Variants in FANCL observed in about 807,000 individuals in gnomAD.
The protein encoded by FANCL is FA complementation group L.
A neutral mutation model predicts 59.4 loss-of-function variants in FANCL; 69 were observed. That is an observed-to-expected ratio of 1.16 (90% CI 0.96 to 1.42). The LOEUF is 1.42. Ranked by LOEUF, FANCL falls within the 40% of genes most tolerant of loss-of-function variation. The pLI is 0.00. For missense variants in FANCL, 519 were observed against 447.2 expected, an observed-to-expected ratio of 1.16 and a Z score of -1.45; for synonymous variants, 180 against 147.1, an observed-to-expected ratio of 1.22 and a Z score of -1.62.
At chr2:58,238,625 A>G (rs148744282) in intron 1 of FANCL, among the ~76,000 whole-genome samples, 68 of 152,346 alleles carry the variant, frequency 4.5e-4, no homozygotes, top group Non-Finnish European at 8.4e-4. Flanking sequence ...ACAACACCTA[A>G]AACTGATTAC....
chr2:58,208,885 G>C (rs577770754), intron 5 of FANCL, among the ~76,000 whole-genome samples: 2 of 152,178 alleles, frequency 1.3e-5, no homozygotes, highest in East Asian at 3.9e-4. Context: ...CCTGCATATA[G>C]AGAATCATTA....
chr2:58,221,600 C>T (rs1336272714), intron 5 of FANCL, among the ~76,000 whole-genome samples: 1 of 152,092 alleles, frequency 6.6e-6, no homozygotes. Context: ...TCCAGAAATA[C>T]TGCAATTTTT....
intron 7 of FANCL, among the ~76,000 whole-genome samples, chr2:58,195,917 C>T (rs1176389496): frequency 6.6e-6 from 1 of 152,042 alleles, no homozygotes; most frequent in African/African-American, 2.4e-5. Flanking sequence ...TAGGAAAAAC[C>T]CATACTAAAA....
intron 7 of FANCL, among the ~76,000 whole-genome samples, chr2:58,192,420 A>G (rs1558775959): frequency 6.6e-6 from 1 of 151,972 alleles, no homozygotes; most frequent in Non-Finnish European, 1.5e-5. Context: ...TGAATGAGTT[A>G]TAACAACTTA....
chr2:58,222,316 T>A (rs1692557558), intron 4 of FANCL, among the ~76,000 whole-genome samples: 1 of 150,986 alleles, frequency 6.6e-6, no homozygotes, highest in African/African-American at 2.4e-5. Context: ...CTATCGGAGA[T>A]AAAAAAAAAA....
intron 2 of FANCL, among the ~76,000 whole-genome samples, chr2:58,230,193 T>A (rs1408532429): frequency 6.6e-6 from 1 of 152,246 alleles, no homozygotes; most frequent in East Asian, 1.9e-4. Context: ...ACCAACAGTT[T>A]TGATAACAAT....
chr2:58,188,359 G>C (rs79696245), intron 7 of FANCL, among the ~76,000 whole-genome samples: 2,191 of 152,016 alleles, frequency 0.014, 69 homozygotes, highest in African/African-American at 0.051. Context: ...TTCTTTTTCA[G>C]AGTTATTTTA....
chr2:58,205,371 T>C (rs2105158292), intron 5 of FANCL, among the ~76,000 whole-genome samples: 2 of 148,234 alleles, frequency 1.3e-5, no homozygotes, highest in East Asian at 4.0e-4. Flanking sequence ...AAAACTATTC[T>C]AGAAAGTGTT....
chr2:58,237,594 T>C (rs1694138471), intron 1 of FANCL, among the ~76,000 whole-genome samples: 1 of 151,458 alleles, frequency 6.6e-6, no homozygotes, highest in Non-Finnish European at 1.5e-5. Flanking sequence ...ATAAAAATAA[T>C]AGAAAAAAAT....
At chr2:58,214,491 A>G (rs1036619083) in intron 5 of FANCL, among the ~76,000 whole-genome samples, 2 of 152,098 alleles carry the variant, frequency 1.3e-5, no homozygotes, top group Admixed American at 6.5e-5. Flanking sequence ...TCCACTAGAT[A>G]TAAGTTCCAT....
At chr2:58,173,538 GC>G in intron 7 of FANCL, among the ~76,000 whole-genome samples, 1 of 152,246 alleles carries the variant, frequency 6.6e-6, no homozygotes, top group East Asian at 1.9e-4. Flanking sequence ...GCCAAACTAA[GC>G]TTCATAAGTG....
intron 7 of FANCL, among the ~76,000 whole-genome samples, chr2:58,181,615 G>T (rs955462810): frequency 6.6e-6 from 1 of 151,966 alleles, no homozygotes; most frequent in African/African-American, 2.4e-5. Context: ...AACTAAAAAT[G>T]GCTGGATTTA....
chr2:58,222,008 G>T lies in FANCL; in HGVS notation c.308C>A (p.Ala103Glu), dbSNP rs746623168. 18 of 1,613,318 alleles carry T rather than the reference G, an allele frequency of 1.1e-5. No homozygotes were observed. In the Admixed American group the frequency reaches 3.0e-4, roughly 27 times the overall value. Reference sequence around the variant, plus strand: ...GTAGAACTGGGGAGGAGGAGGTAGTGCATACAGCTCTTGTCTATTCTTTAA... The same window carrying T: ...GTAGAACTGGGGAGGAGGAGGTAGTTCATACAGCTCTTGTCTATTCTTTAA... ...VALKNRQELY[A>E]LPPPPQFYSS... The change falls in exon 5 of 14, where the codon GCA becomes GAA. Residue 103 changes from alanine (A) to glutamate (E), a missense_variant. Coordinates refer to ENST00000233741, the MANE Select transcript of FANCL (RefSeq NM_018062.4).
Position 58,161,945 on chromosome 2 carries a change from ATTAC to A in FANCL, c.904-311_904-308del, listed in dbSNP as rs1685248432. 3.3e-5 allele frequency among the ~76,000 whole-genome samples: 5 copies of A among 152,022 alleles called. No individual in the cohort carries two copies. The South Asian group carries it at 1.0e-3, about 32-fold the overall frequency. ...GCTGTATTATAGGAAATATAATTAC[ATTAC>A]TATTTAACACCTAGCAAAGCTATTG... On this transcript the variant is annotated intron_variant, in intron 11 of 13. Coordinates refer to ENST00000233741, the MANE Select transcript of FANCL (RefSeq NM_018062.4).
chr2:58,234,768 T>C (rs17049423), intron 1 of FANCL, among the ~76,000 whole-genome samples: 14,714 of 151,764 alleles, frequency 0.097, 771 homozygotes, highest in Middle Eastern at 0.099. Flanking sequence ...CAGAATATAA[T>C]TGGAAACAGA....
At chr2:58,163,327 AAAAAT>A (rs2104798574) in intron 9 of FANCL, 102 bp downstream of exon 9, 3 of 882,100 alleles carry the variant, frequency 3.4e-6, no homozygotes, top group Non-Finnish European at 5.5e-6. Context: ...GTCTCAGACA[AAAAAT>A]AAAAACTACC....
In FANCL at chr2:58,163,436, T is replaced by C; in HGVS notation, c.773A>G (p.His258Arg). ...CGTTTAAATCTCAGATGTCATACCA[T>C]GGTCAGCTCCAAGAAAGAAGCACTC... The part of the protein sequence containing the change: ...LPECFFLGAD[H>R]VVKPLGIKLS... Residue 258 changes from histidine to arginine, a missense_variant and splice_region_variant, in exon 9 of 14, where the codon CAT becomes CGT. By Grantham distance (29) the His-to-Arg change is conservative. Transcript: ENST00000233741. The C allele has an allele frequency of 6.2e-7, 1 of 1,603,926 alleles. No individual in the cohort carries two copies. The highest frequency in any genetic ancestry group is 8.5e-7 in the Non-Finnish European group (1 of 1,171,008).
chr2:58,173,638 A>G (rs922386011), intron 7 of FANCL, among the ~76,000 whole-genome samples: 23 of 152,218 alleles, frequency 1.5e-4, no homozygotes, highest in African/African-American at 3.6e-4. Flanking sequence ...TGAAGGAAGC[A>G]CTAAACATGG....
intron 7 of FANCL, among the ~76,000 whole-genome samples, chr2:58,173,703 C>T (rs1686939484): frequency 6.6e-6 from 1 of 152,072 alleles, no homozygotes. Flanking sequence ...TAAAGACCAT[C>T]GAGGCTAGGA....
Sources: gnomAD v4.1 joint callset for allele counts (sites outside exome capture counted in the v4.1 genomes callset) on GRCh38, gnomAD v4.1.1 for gene constraint, MANE v1.5 for transcripts, NCBI Gene and HGNC (gene_info 2026-07-23, HGNC 2026-07-21) for gene names.